The following CACNB2 variants were observed in gnomAD, a reference collection of about 807,000 sequenced individuals.
CACNB2 encodes calcium voltage-gated channel auxiliary subunit beta 2.
In CACNB2, 42 loss-of-function variants were observed where a neutral mutation model predicts 73.3. The observed-to-expected ratio is 0.57, with a 90% CI of 0.45 to 0.74. CACNB2 has a LOEUF of 0.74. Among genes scored for constraint, CACNB2 ranks in the 30% least tolerant of loss-of-function variants. The pLI is 0.00. For synonymous variants in CACNB2, 348 were observed against 310.3 expected, an observed-to-expected ratio of 1.12 and a Z score of -1.28; for missense variants, 940 against 853.0, an observed-to-expected ratio of 1.10 and a Z score of -1.27.
At chr10:18,292,536 G>A (rs2039109135) in intron 2 of CACNB2, among the ~76,000 whole-genome samples, 1 of 152,126 alleles carries the variant, frequency 6.6e-6, no homozygotes, top group Non-Finnish European at 1.5e-5. Flanking sequence ...AGTGCCTATA[G>A]TTCCAGCTAC....
intron 2 of CACNB2, among the ~76,000 whole-genome samples, chr10:18,334,566 C>T (rs2040929531): frequency 1.3e-5 from 2 of 152,180 alleles, no homozygotes; most frequent in African/African-American, 4.8e-5. Context: ...GCCAGTTTCT[C>T]ATTCTCAGCA....
intron 2 of CACNB2, among the ~76,000 whole-genome samples, chr10:18,201,756 A>G (rs2034892588): frequency 2.0e-5 from 3 of 152,222 alleles, no homozygotes; most frequent in Non-Finnish European, 4.4e-5. Context: ...AATGTATAAC[A>G]TATTATTACT....
At chr10:18,527,325 G>A (rs953632333) in intron 9 of CACNB2, among the ~76,000 whole-genome samples, 15 of 151,968 alleles carry the variant, frequency 9.9e-5, no homozygotes, top group South Asian at 2.1e-4. Context: ...GCAGTGAGCC[G>A]AGAACGCACC....
At chr10:18,226,093 C>A (rs2035982869) in intron 2 of CACNB2, among the ~76,000 whole-genome samples, 1 of 150,280 alleles carries the variant, frequency 6.7e-6, no homozygotes, top group African/African-American at 2.5e-5. Flanking sequence ...GTGGTGTGAT[C>A]TAGGCTTACT....
intron 2 of CACNB2, among the ~76,000 whole-genome samples, chr10:18,204,241 C>T (rs1173830501): frequency 6.6e-6 from 1 of 152,164 alleles, no homozygotes; most frequent in East Asian, 1.9e-4. Context: ...TGTTTGCAGC[C>T]ACTGCATGTA....
chr10:18,502,742 T>C (rs1441222977), intron 5 of CACNB2, among the ~76,000 whole-genome samples: 4 of 135,026 alleles, frequency 3.0e-5, no homozygotes, highest in Non-Finnish European at 4.7e-5. Flanking sequence ...TTTTTACTTA[T>C]AAGTGAGAGC....
intron 2 of CACNB2, among the ~76,000 whole-genome samples, chr10:18,241,595 A>G (rs1247569453): frequency 2.6e-5 from 4 of 152,246 alleles, no homozygotes; most frequent in South Asian, 4.2e-4. Context: ...AAAAAAAAAG[A>G]TACATACAGG....
chr10:18,385,468 T>C (rs2043190623), intron 2 of CACNB2, among the ~76,000 whole-genome samples: 2 of 143,368 alleles, frequency 1.4e-5, no homozygotes, highest in Non-Finnish European at 3.0e-5. Context: ...AAAATGCACT[T>C]ATCAAAAAAT....
chr10:18,171,412 TC>T (rs71402149), intron 2 of CACNB2, among the ~76,000 whole-genome samples: 37,249 of 149,972 alleles, frequency 0.25, 4,779 homozygotes, highest in East Asian at 0.29. Flanking sequence ...GGACTGTGTC[TC>T]CCCCGCATGG....
intron 3 of CACNB2, among the ~76,000 whole-genome samples, chr10:18,414,693 C>T (rs1026818098): frequency 1.3e-5 from 2 of 151,982 alleles, no homozygotes; most frequent in African/African-American, 4.8e-5. Flanking sequence ...CCAGGTTGGC[C>T]AGGCTGCTCT....
Position 18,244,101 on chromosome 10 carries a change from C to CTCAA in CACNB2, c.213+93134_213+93137dup, listed in dbSNP as rs531833020. Among the ~76,000 whole-genome samples the CTCAA allele has an allele frequency of 2.6e-5, 4 of 152,330 alleles. No individual in the cohort carries two copies. The East Asian group carries it at 7.7e-4, about 29-fold the overall frequency. On this transcript the variant is annotated intron_variant, in intron 2 of 13. Transcript: ENST00000324631. The stretch of plus-strand genomic sequence containing the variant: ...TGTTGCTGGCTTTTATTTAACAGCA[C>CTCAA]TCAATCAATCAGGTGATGCCAGGCC...
At chr10:18,351,469 A>G (rs1411181228) in intron 2 of CACNB2, among the ~76,000 whole-genome samples, 1 of 152,198 alleles carries the variant, frequency 6.6e-6, no homozygotes, top group African/African-American at 2.4e-5. Context: ...ATATTTTTTA[A>G]TTGGGTGAGA....
chr10:18,473,750 G>T (rs1197059794), intron 3 of CACNB2, among the ~76,000 whole-genome samples: 5 of 152,154 alleles, frequency 3.3e-5, no homozygotes, highest in Admixed American at 3.3e-4. Flanking sequence ...AGTTGTGTTT[G>T]CTTCTTTAAA....
chr10:18,200,480 G>A (rs116862944), intron 2 of CACNB2, among the ~76,000 whole-genome samples: 8 of 151,438 alleles, frequency 5.3e-5, no homozygotes, highest in Non-Finnish European at 1.2e-4. Flanking sequence ...ATAAGAATGA[G>A]CATAAATATA....
chr10:18,259,158 A>G (rs1476087354), intron 2 of CACNB2, among the ~76,000 whole-genome samples: 2 of 152,196 alleles, frequency 1.3e-5, no homozygotes, highest in Non-Finnish European at 1.5e-5. Context: ...AAAACATGGA[A>G]TCATTTTGGG....
At chr10:18,222,830 G>A (rs1480723116) in intron 2 of CACNB2, among the ~76,000 whole-genome samples, 1 of 152,130 alleles carries the variant, frequency 6.6e-6, no homozygotes, top group African/African-American at 2.4e-5. Context: ...CCAGCTACTT[G>A]GGAGGCTGAG....
chr10:18,509,087 A>G (rs2050632745), intron 6 of CACNB2, among the ~76,000 whole-genome samples: 1 of 152,220 alleles, frequency 6.6e-6, no homozygotes, highest in Non-Finnish European at 1.5e-5. Flanking sequence ...GCTATAACCA[A>G]CTACAAAATG....
chr10:18,188,779 T>C (rs1019310002), intron 2 of CACNB2, among the ~76,000 whole-genome samples: 1 of 152,152 alleles, frequency 6.6e-6, no homozygotes. Flanking sequence ...TCTCTGATTA[T>C]AAAAATAATG....
At chr10:18,344,451 C>T (rs1365574815) in intron 2 of CACNB2, among the ~76,000 whole-genome samples, 1 of 151,772 alleles carries the variant, frequency 6.6e-6, no homozygotes, top group Non-Finnish European at 1.5e-5. Context: ...CTCACTGAAA[C>T]CTCCACCTTT....
Sources: gnomAD v4.1 joint callset for allele counts (sites outside exome capture counted in the v4.1 genomes callset) on GRCh38, gnomAD v4.1.1 for gene constraint, MANE v1.5 for transcripts, NCBI Gene and HGNC (gene_info 2026-07-23, HGNC 2026-07-21) for gene names.